LARP1B: variants seen among roughly 807,000 people sequenced by gnomAD.
LARP1B encodes la-related protein 1B.
Under a neutral mutation model 114.2 loss-of-function variants are expected in LARP1B, and 76 were observed. The ratio of observed to expected loss-of-function variants is 0.67; its 90% CI spans 0.55 to 0.81. LARP1B has a LOEUF of 0.81. LARP1B is among the 30% of genes least tolerant of loss of function. The pLI, the probability that LARP1B is intolerant of heterozygous loss-of-function variation, is 0.00. For missense variants in LARP1B, 1,014 were observed against 1,075.8 expected (o/e 0.94, Z 0.80); for synonymous variants, 345 against 348.0 (o/e 0.99, Z 0.10).
chr4:128,091,210 A>G, intron 6 of LARP1B, 66 bp downstream of exon 6: 10 of 1,570,246 alleles, frequency 6.4e-6, no homozygotes, highest in South Asian at 1.2e-5. Flanking sequence ...ACTATCCTCT[A>G]TTATGTTTTA....
intron 5 of LARP1B, among the ~76,000 whole-genome samples, chr4:128,087,056 A>T (rs759152039): frequency 6.6e-6 from 1 of 151,958 alleles, no homozygotes; most frequent in Non-Finnish European, 1.5e-5. Flanking sequence ...AGTAGCTGGG[A>T]TTACAGACAT....
At chr4:128,084,702 G>T (rs1772690224) in intron 5 of LARP1B, among the ~76,000 whole-genome samples, 1 of 151,974 alleles carries the variant, frequency 6.6e-6, no homozygotes, top group Non-Finnish European at 1.5e-5. Context: ...AATCACATGG[G>T]AGTATGACCT....
In LARP1B at chr4:128,211,329, A is replaced by T. The variant is rs570218038; in HGVS notation, c.*1276A>T. 2.0e-4 allele frequency: 189 copies of T among 969,214 alleles called. No individual in the cohort carries two copies. The highest frequency in any genetic ancestry group is 2.3e-4 in the Non-Finnish European group (186 of 815,332). 60.0% of individuals were successfully genotyped at this position (969,214 alleles called of 1,614,324 possible). A position where few individuals can be genotyped will look rare whatever the true frequency, so the allele number is the denominator to read the frequency against. On this transcript the variant is annotated 3_prime_UTR_variant, in exon 20 of 20. Coordinates refer to ENST00000326639, the MANE Select transcript of LARP1B (RefSeq NM_018078.4). ...AAAGCAAGTGGTTTCCATATGCTAAATTAATTGTATTTTCTTTTTGAGCAG... is the reference window on the plus strand; with the variant it reads ...AAAGCAAGTGGTTTCCATATGCTAATTTAATTGTATTTTCTTTTTGAGCAG...
intron 15 of LARP1B, among the ~76,000 whole-genome samples, chr4:128,190,970 T>C (rs1472727935): frequency 6.6e-6 from 1 of 152,248 alleles, no homozygotes; most frequent in Non-Finnish European, 1.5e-5. Flanking sequence ...TTATTCTTTA[T>C]ATCTTGCAGG....
At chr4:128,105,561 G>A (rs1467625170) in intron 8 of LARP1B, among the ~76,000 whole-genome samples, 1 of 152,188 alleles carries the variant, frequency 6.6e-6, no homozygotes, top group African/African-American at 2.4e-5. Flanking sequence ...TCTCAAAGGA[G>A]TTTCATTTAA....
At chr4:128,131,269 TTC>T (rs1285370298) in intron 11 of LARP1B, among the ~76,000 whole-genome samples, 1 of 152,148 alleles carries the variant, frequency 6.6e-6, no homozygotes, top group Non-Finnish European at 1.5e-5. Context: ...ACTCTGTACT[TTC>T]TGCTTGGTTT....
chr4:128,063,693 C>G (rs1161062771), intron 1 of LARP1B, among the ~76,000 whole-genome samples: 3 of 151,580 alleles, frequency 2.0e-5, no homozygotes, highest in African/African-American at 7.3e-5. Context: ...GCAGGAGAAT[C>G]GCTTGAACCC....
At position 128,099,719 on chromosome 4, in the gene LARP1B, C is replaced by T. The variant is rs557362639; in HGVS notation, c.813+1389C>T. ...ATCTTTATAGGGATATATATATACA[C>T]ACACACACACACACACATATATATT... is the stretch of plus-strand genomic sequence containing the variant. On this transcript the variant is annotated intron_variant, in intron 8 of 19. Transcript: ENST00000326639. Among the ~76,000 whole-genome samples, 180 of 150,594 alleles carry T rather than the reference C, an allele frequency of 1.2e-3. 2 individuals are homozygous for T. The highest frequency in any genetic ancestry group is 2.6e-3 in the African/African-American group (107 of 41,080).
At chr4:128,108,224 C>T (rs1022010224) in intron 9 of LARP1B, 14 of 1,159,086 alleles carry the variant, frequency 1.2e-5, no homozygotes, top group African/African-American at 6.4e-5. Context: ...CTGGAAATAC[C>T]GCAAGATTAT....
rs1186685628 is a variant in LARP1B, at chr4:128,062,187, C to T, written c.-78+786C>T. ...CACCTGTCCCCAGACACGACAGGTC[C>T]GCCACCGCCCCCGCTGGAAACCCTG... On this transcript the variant is annotated intron_variant, in intron 1 of 19. Transcript: ENST00000326639. The T allele has an allele frequency of 2.7e-5, 27 of 985,378 alleles. No individual in the cohort carries two copies. The East Asian group carries it at 3.4e-4, about 12-fold the overall frequency. 61.0% of individuals were successfully genotyped at this position (985,378 alleles called of 1,614,324 possible).
rs1491473738 is a variant in LARP1B, at chr4:128,065,251, TAA to T, written c.-78+3851_-78+3852del. 2.4e-3 allele frequency among the ~76,000 whole-genome samples: 225 copies of T among 93,316 alleles called. 5 individuals carry two copies. Among genetic ancestry groups the T allele is most frequent in the African/African-American group, 5.2e-3 (138 of 26,550 alleles). 61.2% of individuals were successfully genotyped at this position (93,316 alleles called of 152,430 possible). ...TGACTCTGCACTGTTCTCCCACAAT[TAA>T]TTTCTTTCTTTCTTTCTTTCTTTCT... is the stretch of plus-strand genomic sequence containing the variant. On this transcript the variant is annotated intron_variant, in intron 1 of 19. Coordinates refer to ENST00000326639, the MANE Select transcript of LARP1B (RefSeq NM_018078.4).
At chr4:128,138,787 A>G (rs961630050) in intron 11 of LARP1B, among the ~76,000 whole-genome samples, 6 of 152,056 alleles carry the variant, frequency 3.9e-5, no homozygotes, top group Admixed American at 2.6e-4. Flanking sequence ...GTGAAATCCT[A>G]TCTCTACTAA....
At chr4:128,158,533 A>G (rs987286371) in intron 11 of LARP1B, among the ~76,000 whole-genome samples, 1 of 152,204 alleles carries the variant, frequency 6.6e-6, no homozygotes, top group African/African-American at 2.4e-5. Flanking sequence ...AGTATTTACA[A>G]TATTTTATAA....
intron 11 of LARP1B, among the ~76,000 whole-genome samples, chr4:128,134,108 C>G (rs1437277015): frequency 6.6e-6 from 1 of 151,576 alleles, no homozygotes; most frequent in Non-Finnish European, 1.5e-5. Flanking sequence ...TCATGCAATC[C>G]TCTCACCTCA....
chr4:128,211,516 T>C lies in LARP1B; in HGVS notation c.*1463T>C. 2 of 908,266 alleles carry C rather than the reference T, an allele frequency of 2.2e-6. No individual in the cohort carries two copies. Among genetic ancestry groups the C allele is most frequent in the African/African-American group, 1.8e-5 (1 of 55,726 alleles). 56.3% of individuals were successfully genotyped at this position (908,266 alleles called of 1,614,324 possible). On this transcript the variant is annotated 3_prime_UTR_variant, in exon 20 of 20. Transcript: ENST00000326639. ...CTATTTGGAGGGTCATTTTGATGCTTTAAATTGCAGAAATAGTCAAATTTG... is the reference window on the plus strand; with the variant it reads ...CTATTTGGAGGGTCATTTTGATGCTCTAAATTGCAGAAATAGTCAAATTTG...
chr4:128,210,134 G>C lies in LARP1B; in HGVS notation c.*81G>C. 6.3e-6 allele frequency: 10 copies of C among 1,594,640 alleles called. No homozygotes were observed. In the South Asian group the frequency reaches 9.1e-5, roughly 14 times the overall value. On this transcript the variant is annotated 3_prime_UTR_variant, in exon 20 of 20. Transcript: ENST00000326639. ...ACTCTTATGAAAGTTCTTTGTCCTT[G>C]AAGTCAACATTTACATCAGTATTTA...
At chr4:128,090,800 C>T (rs113026888) in intron 5 of LARP1B, among the ~76,000 whole-genome samples, 7 of 152,036 alleles carry the variant, frequency 4.6e-5, no homozygotes, top group African/African-American at 1.7e-4. Flanking sequence ...TGTGTCAGTA[C>T]CTTTTAGGCT....
At chr4:128,139,501 A>C (rs551194564) in intron 11 of LARP1B, among the ~76,000 whole-genome samples, 2 of 151,978 alleles carry the variant, frequency 1.3e-5, no homozygotes, top group East Asian at 3.9e-4. Context: ...CAGCCTGGGC[A>C]ATATAGTGAG....
chr4:128,175,778 G>A (rs1256011382), intron 12 of LARP1B, among the ~76,000 whole-genome samples: 1 of 151,948 alleles, frequency 6.6e-6, no homozygotes, highest in Admixed American at 6.6e-5. Context: ...TTTTTGACTG[G>A]TGGACCTCTA....
Sources: allele counts gnomAD v4.1 joint callset (sites outside exome capture counted in the v4.1 genomes callset), GRCh38; gene constraint gnomAD v4.1.1; transcripts MANE v1.5; gene names NCBI Gene and HGNC (gene_info 2026-07-23, HGNC 2026-07-21).